The following GALNT13 variants were observed in gnomAD, a reference collection of about 807,000 sequenced individuals.
The protein encoded by GALNT13 is UDP-GalNAc:polypeptide N-acetylgalactosaminyltransferase 13.
In GALNT13, 28 loss-of-function variants were observed where a neutral mutation model predicts 64.2. That is an observed-to-expected ratio of 0.44 (90% CI 0.32 to 0.60). The LOEUF is 0.60. Ranked by LOEUF, GALNT13 falls within the 20% of genes least tolerant of loss-of-function variation. The pLI is 0.05. For synonymous variants in GALNT13, 214 were observed against 224.6 expected (o/e 0.95, Z 0.42); for missense variants, 577 against 669.8 (o/e 0.86, Z 1.53).
At chr2:154,313,587 T>C (rs546912444) in intron 9 of GALNT13, among the ~76,000 whole-genome samples, 3 of 152,004 alleles carry the variant, frequency 2.0e-5, no homozygotes, top group African/African-American at 7.2e-5. Context: ...CCCAAGTAGC[T>C]GGGACTATAG....
At chr2:154,413,187 C>G (rs2105402701) in intron 11 of GALNT13, among the ~76,000 whole-genome samples, 1 of 151,958 alleles carries the variant, frequency 6.6e-6, no homozygotes, top group South Asian at 2.1e-4. Flanking sequence ...TCGTTAATGT[C>G]TGCAGACATC....
At chr2:153,613,678 A>G in the GALNT13 span, among the ~76,000 whole-genome samples, 1 of 152,070 alleles carries the variant, frequency 6.6e-6, no homozygotes, top group African/African-American at 2.4e-5. Context: ...CCTGTGTCCA[A>G]GTGTTCTCAT....
At chr2:154,017,481 T>G (rs1328086466) in intron 3 of GALNT13, among the ~76,000 whole-genome samples, 1 of 152,132 alleles carries the variant, frequency 6.6e-6, no homozygotes, top group Non-Finnish European at 1.5e-5. Context: ...ACACGATAAG[T>G]ACACCACTTT....
intron 7 of GALNT13, among the ~76,000 whole-genome samples, chr2:154,254,234 A>G (rs892683091): frequency 2.6e-5 from 4 of 152,240 alleles, no homozygotes; most frequent in Non-Finnish European, 5.9e-5. Flanking sequence ...AACACTTTAC[A>G]TGCAGGGAAA....
the GALNT13 span, among the ~76,000 whole-genome samples, chr2:153,576,799 T>C: frequency 3.9e-5 from 6 of 152,188 alleles, no homozygotes. Flanking sequence ...TTACAATTAA[T>C]GGATCCTTCT....
chr2:154,360,111 C>T (rs1365870202), intron 9 of GALNT13, among the ~76,000 whole-genome samples: 3 of 152,190 alleles, frequency 2.0e-5, no homozygotes, highest in South Asian at 4.1e-4. Flanking sequence ...CATGTTCTTT[C>T]GAGTTATACA....
the GALNT13 span, among the ~76,000 whole-genome samples, chr2:153,242,477 T>C: frequency 1.3e-5 from 2 of 152,212 alleles, no homozygotes; most frequent in Non-Finnish European, 2.9e-5. Context: ...GCCATAATCT[T>C]AGTTAAAACT....
the GALNT13 span, among the ~76,000 whole-genome samples, chr2:153,285,937 G>A: frequency 7.9e-5 from 12 of 151,944 alleles, no homozygotes; most frequent in East Asian, 1.7e-3. Flanking sequence ...ATTATTAAAC[G>A]TTATGATTAT....
chr2:153,345,639 CTT>C, the GALNT13 span, among the ~76,000 whole-genome samples: 273 of 69,672 alleles, frequency 3.9e-3, 1 homozygote, highest in South Asian at 6.6e-3. Flanking sequence ...CTTTCTTTTT[CTT>C]TCTTTCTTTC....
At chr2:153,078,157 A>G in the GALNT13 span, among the ~76,000 whole-genome samples, 1 of 151,656 alleles carries the variant, frequency 6.6e-6, no homozygotes, top group Admixed American at 6.6e-5. Context: ...TTAACTTGTG[A>G]GTGTATAAAT....
the GALNT13 span, among the ~76,000 whole-genome samples, chr2:153,113,846 A>G: frequency 9.9e-5 from 15 of 151,998 alleles, 1 homozygote; most frequent in African/African-American, 2.4e-5. Context: ...GACTTGCCCA[A>G]ATTTGTTCGT....
the GALNT13 span, among the ~76,000 whole-genome samples, chr2:153,678,854 C>A: frequency 1.7e-4 from 26 of 152,042 alleles, no homozygotes; most frequent in African/African-American, 6.0e-4. Flanking sequence ...GTCAGCTTAG[C>A]TAAATTGGAA....
the GALNT13 span, among the ~76,000 whole-genome samples, chr2:153,398,749 C>T: frequency 2.5e-4 from 37 of 145,734 alleles, no homozygotes; most frequent in African/African-American, 6.9e-4. Context: ...TCATGTCCTT[C>T]GCCCACTTTT....
intron 12 of GALNT13, among the ~76,000 whole-genome samples, chr2:154,447,065 A>G (rs1390383554): frequency 6.6e-6 from 1 of 151,870 alleles, no homozygotes; most frequent in Non-Finnish European, 1.5e-5. Flanking sequence ...TCTTTGAGGC[A>G]AACTATAGCC....
At chr2:153,478,138 G>T in the GALNT13 span, 3 of 903,920 alleles carry the variant, frequency 3.3e-6, no homozygotes, top group South Asian at 1.7e-5. Context: ...AATTGACTCC[G>T]ACAGGTTTGC....
chr2:153,884,805 A>C (rs62174146), intron 1 of GALNT13, among the ~76,000 whole-genome samples: 1 of 133,636 alleles, frequency 7.5e-6, no homozygotes, highest in Non-Finnish European at 1.5e-5. Context: ...ATATATATAT[A>C]TGTGTGTGTG....
the GALNT13 span, among the ~76,000 whole-genome samples, chr2:153,738,963 G>A: frequency 1.3e-5 from 2 of 151,756 alleles, no homozygotes; most frequent in Non-Finnish European, 2.9e-5. Flanking sequence ...TCTACCATTA[G>A]CACTTTACCA....
At chr2:153,681,974 C>A in the GALNT13 span, among the ~76,000 whole-genome samples, 1 of 151,662 alleles carries the variant, frequency 6.6e-6, no homozygotes, top group Non-Finnish European at 1.5e-5. Context: ...TCCTATGTAC[C>A]AAGCATAGAT....
At chr2:153,360,996 G>A in the GALNT13 span, among the ~76,000 whole-genome samples, 1 of 152,096 alleles carries the variant, frequency 6.6e-6, no homozygotes, top group Admixed American at 6.5e-5. Flanking sequence ...GCCCCTCAAG[G>A]TCAGAGATCC....
Sources: allele counts gnomAD v4.1 joint callset (sites outside exome capture counted in the v4.1 genomes callset), GRCh38; gene constraint gnomAD v4.1.1; transcripts MANE v1.5; gene names NCBI Gene and HGNC (gene_info 2026-07-23, HGNC 2026-07-21).